The following LAMA1 variants were observed in gnomAD, a reference collection of about 807,000 sequenced individuals.
LAMA1 encodes laminin subunit alpha 1.
In LAMA1, 219 loss-of-function variants were observed where a neutral mutation model predicts 348.7. The ratio of observed to expected loss-of-function variants is 0.63; its 90% CI spans 0.56 to 0.70. The LOEUF (loss-of-function observed/expected upper bound fraction) is 0.70. LAMA1 is among the 30% of genes least tolerant of loss of function. The pLI, the probability that LAMA1 is intolerant of heterozygous loss-of-function variation, is 0.00. For synonymous variants in LAMA1, 1,487 were observed against 1,491.0 expected (o/e 1.00, Z 0.06); for missense variants, 3,744 against 3,888.0 (o/e 0.96, Z 0.99).
intron 17 of LAMA1, among the ~76,000 whole-genome samples, chr18:7,024,730 C>T (rs1480719184): frequency 6.6e-6 from 1 of 152,200 alleles, no homozygotes; most frequent in East Asian, 1.9e-4. Context: ...AGCGCGCCTG[C>T]TTCTCTCGCT....
intron 3 of LAMA1, among the ~76,000 whole-genome samples, chr18:7,069,941 T>C (rs1429126742): frequency 1.3e-5 from 2 of 152,172 alleles, no homozygotes; most frequent in South Asian, 2.1e-4. Flanking sequence ...ATAAAATGAA[T>C]GTTGCTGTTT....
At chr18:7,112,374 T>C (rs897898924) in intron 1 of LAMA1, among the ~76,000 whole-genome samples, 1 of 152,128 alleles carries the variant, frequency 6.6e-6, no homozygotes, top group African/African-American at 2.4e-5. Flanking sequence ...ATCCATGTTT[T>C]GGCAGAAAAT....
intron 39 of LAMA1, among the ~76,000 whole-genome samples, chr18:6,984,848 C>A (rs563221421): frequency 7.9e-5 from 12 of 152,250 alleles, no homozygotes; most frequent in African/African-American, 2.6e-4. Flanking sequence ...ATAATAAACT[C>A]CAAAGAGGCA....
intron 8 of LAMA1, chr18:7,042,974 G>A (rs2058027087): frequency 4.0e-6 from 2 of 502,224 alleles, no homozygotes; most frequent in South Asian, 2.6e-5. Flanking sequence ...CACATCTGTA[G>A]TTAGTATTAT....
chr18:7,021,983 A>C (rs1014740683), intron 19 of LAMA1, among the ~76,000 whole-genome samples: 4 of 151,576 alleles, frequency 2.6e-5, no homozygotes, highest in Non-Finnish European at 2.9e-5. Flanking sequence ...CTTGATATAC[A>C]CATATAATTA....
Position 6,976,086 on chromosome 18 carries a change from G to A in LAMA1, c.6346-6C>T. ...GCAGACACGGCGACTTTAATCTGTAGAAGGAAAATGAAAGTGTCCCCATCA... is the reference window on the plus strand; with the variant it reads ...GCAGACACGGCGACTTTAATCTGTAAAAGGAAAATGAAAGTGTCCCCATCA... On this transcript the variant is annotated splice_region_variant and splice_polypyrimidine_tract_variant and intron_variant, in intron 44 of 62. Transcript: ENST00000389658. 1 of 1,614,060 alleles carries A rather than the reference G, an allele frequency of 6.2e-7. No homozygotes were observed. Among genetic ancestry groups the A allele is most frequent in the South Asian group, 1.1e-5 (1 of 91,084 alleles).
chr18:7,014,863 C>G (rs905845957), intron 22 of LAMA1, among the ~76,000 whole-genome samples: 1 of 151,322 alleles, frequency 6.6e-6, no homozygotes, highest in African/African-American at 2.4e-5. Context: ...TCTTTTTTTT[C>G]TGAGACAGAG....
At chr18:6,965,597 G>C (rs1033896517) in intron 49 of LAMA1, 165 bp from the exon 50 acceptor site, 1 of 692,836 alleles carries the variant, frequency 1.4e-6, no homozygotes, top group Non-Finnish European at 2.5e-6. Flanking sequence ...GCCCACGAAG[G>C]CTTTCTAGAA....
chr18:6,986,147 C>T lies in LAMA1; in HGVS notation c.5369G>A (p.Arg1790Lys), dbSNP rs1256988695. The change falls in exon 37 of 63, where the codon AGA becomes AAA. Residue 1790 changes from arginine to lysine, a missense_variant. Physicochemically the swap from Arg to Lys is conservative, Grantham distance 26 (BLOSUM62 2). Around this residue, in one of 3 missense-constraint regions of LAMA1, gnomAD observed 1,983 missense variants for 1,934.3 expected, o/e 1.03. Coordinates refer to ENST00000389658, the MANE Select transcript of LAMA1 (RefSeq NM_005559.4). ...HLLLMVNANL[R>K]EFSDKKLHVQ... ...GCAAGTGAGACTCACACTGAATTCT[C>T]TCAGATTAGCATTGACCATGAGCAG... 8.1e-6 allele frequency: 13 copies of T among 1,614,090 alleles called. No homozygotes were observed. Among genetic ancestry groups the T allele is most frequent in the African/African-American group, 5.3e-5 (4 of 74,932 alleles).
chr18:7,101,502 CT>C (rs2058290964), intron 1 of LAMA1, among the ~76,000 whole-genome samples: 1 of 152,098 alleles, frequency 6.6e-6, no homozygotes, highest in South Asian at 2.1e-4. Flanking sequence ...AGTCTGCTTG[CT>C]AGTAAAGGTA....
At chr18:7,108,640 C>CAAAAAAAAAAAAAAAAAAAAAA (rs58802341) in intron 1 of LAMA1, among the ~76,000 whole-genome samples, 3 of 40,238 alleles carry the variant, frequency 7.5e-5, no homozygotes, top group African/African-American at 9.9e-5. Flanking sequence ...GACTCTGTCT[C>CAAAAAAAAAAAAAAAAAAAAAA]AAAAAAAAAA....
At position 7,117,745 on chromosome 18, in the gene LAMA1, G is replaced by T; in HGVS notation, c.-25C>A. ...TCTCGCCTCCGCCGCCACTCGGTGG[G>T]TCTGGGGAGAAAGCCGCGCGCCCGC... On this transcript the variant is annotated 5_prime_UTR_variant, in exon 1 of 63. Coordinates refer to ENST00000389658, the MANE Select transcript of LAMA1 (RefSeq NM_005559.4). 6.3e-7 allele frequency: 1 copy of T among 1,591,358 alleles called. No homozygotes were observed.
At chr18:6,980,860 C>T (rs541764207) in intron 41 of LAMA1, among the ~76,000 whole-genome samples, 3 of 152,146 alleles carry the variant, frequency 2.0e-5, no homozygotes, top group East Asian at 1.9e-4. Flanking sequence ...TTTGGGAGGC[C>T]GAGGCAGGCA....
chr18:7,065,282 A>G (rs1281657760), intron 3 of LAMA1, among the ~76,000 whole-genome samples: 2 of 151,740 alleles, frequency 1.3e-5, no homozygotes, highest in African/African-American at 4.8e-5. Context: ...TGATCCAAAA[A>G]CTATTGTACA....
chr18:7,012,180 G>C, intron 23 of LAMA1, 42 bp from the exon 24 acceptor site: 1 of 1,603,010 alleles, frequency 6.2e-7, no homozygotes, highest in Non-Finnish European at 8.5e-7. Flanking sequence ...GCCTAAAAAA[G>C]AGATGTGATT....
intron 1 of LAMA1, among the ~76,000 whole-genome samples, chr18:7,081,110 T>C (rs1847779993): frequency 2.0e-5 from 3 of 151,980 alleles, no homozygotes; most frequent in African/African-American, 4.8e-5. Context: ...CTGTGGAGAT[T>C]GTGCCACTGC....
chr18:7,003,205 T>C (rs558233212), intron 29 of LAMA1, among the ~76,000 whole-genome samples: 1 of 151,780 alleles, frequency 6.6e-6, no homozygotes, highest in Non-Finnish European at 1.5e-5. Context: ...TTTTATATCA[T>C]CCTTTGGACC....
intron 19 of LAMA1, among the ~76,000 whole-genome samples, chr18:7,020,729 G>A (rs150051427): frequency 1.3e-4 from 20 of 152,192 alleles, no homozygotes; most frequent in Middle Eastern, 3.4e-3. Context: ...CCTATTTTAC[G>A]TCTTCTCTTT....
chr18:7,085,410 C>CTTTTT (rs1431304246), intron 1 of LAMA1, among the ~76,000 whole-genome samples: 5 of 128,252 alleles, frequency 3.9e-5, no homozygotes, highest in African/African-American at 1.5e-4. Flanking sequence ...TCTTCTTCTT[C>CTTTTT]TTCTTTTTTT....
Sources: allele counts gnomAD v4.1 joint callset (sites outside exome capture counted in the v4.1 genomes callset), GRCh38; gene constraint gnomAD v4.1.1; regional missense constraint gnomAD v4.1.1; transcripts MANE v1.5; gene names NCBI Gene and HGNC (gene_info 2026-07-23, HGNC 2026-07-21).